The following CNTN5 variants were observed in gnomAD, a reference collection of about 807,000 sequenced individuals.
CNTN5 encodes the protein contactin-5.
In CNTN5, 77 loss-of-function variants were observed where a neutral mutation model predicts 129.1. The observed-to-expected ratio is 0.60, with a 90% CI of 0.50 to 0.72. The LOEUF (loss-of-function observed/expected upper bound fraction) is 0.72, where lower values mean the gene tolerates loss of function less well. Ranked by LOEUF, CNTN5 falls within the 30% of genes least tolerant of loss-of-function variation. The pLI, the probability that CNTN5 is intolerant of heterozygous loss-of-function variation, is 0.00. For missense variants in CNTN5, 1,478 were observed against 1,328.8 expected (o/e 1.11, Z -1.75); for synonymous variants, 509 against 465.6 (o/e 1.09, Z -1.20).
chr11:99,170,154 A>G (rs1388870264), intron 1 of CNTN5, among the ~76,000 whole-genome samples: 4 of 152,166 alleles, frequency 2.6e-5, no homozygotes, highest in Admixed American at 2.6e-4. Flanking sequence ...TTGTGTATAT[A>G]TGGCTTACGT....
At chr11:99,255,186 T>C (rs1267080412) in intron 1 of CNTN5, among the ~76,000 whole-genome samples, 1 of 151,944 alleles carries the variant, frequency 6.6e-6, no homozygotes, top group African/African-American at 2.4e-5. Context: ...TGGTGAAAAC[T>C]GCAGTTAATA....
intron 2 of CNTN5, among the ~76,000 whole-genome samples, chr11:99,406,768 A>T (rs1376646038): frequency 2.0e-5 from 3 of 152,140 alleles, no homozygotes; most frequent in Non-Finnish European, 4.4e-5. Flanking sequence ...AGATCATAAG[A>T]CACAGCTTTT....
chr11:99,522,476 G>A (rs961928208), intron 2 of CNTN5, among the ~76,000 whole-genome samples: 11 of 151,572 alleles, frequency 7.3e-5, no homozygotes, highest in Admixed American at 3.3e-4. Flanking sequence ...AACAAGTAAC[G>A]GTATTCTAGG....
Position 99,679,293 on chromosome 11 carries a change from G to A in CNTN5, c.55+123024G>A, listed in dbSNP as rs142694317. Among the ~76,000 whole-genome samples the A allele has an allele frequency of 2.5e-3, 374 of 150,880 alleles. 2 individuals are homozygous for A. The highest frequency in any genetic ancestry group is 8.1e-3 in the African/African-American group (334 of 41,164). Reference sequence around the variant, plus strand: ...AACTAGAGACAAGCCTCATTTTATCGCACTCTGCTTTATTATACTGTGGAG... The same window carrying A: ...AACTAGAGACAAGCCTCATTTTATCACACTCTGCTTTATTATACTGTGGAG... On this transcript the variant is annotated intron_variant, in intron 3 of 24. Transcript: ENST00000524871.
At chr11:99,936,801 T>C (rs146213606) in intron 7 of CNTN5, among the ~76,000 whole-genome samples, 20 of 152,282 alleles carry the variant, frequency 1.3e-4, no homozygotes, top group African/African-American at 4.6e-4. Context: ...TTGTGTTAAA[T>C]GTAGGGTTCT....
chr11:99,079,928 A>G (rs1865723400), intron 1 of CNTN5, among the ~76,000 whole-genome samples: 1 of 152,124 alleles, frequency 6.6e-6, no homozygotes, highest in Non-Finnish European at 1.5e-5. Context: ...GAATAAAGAG[A>G]TTGCCTTTAT....
intron 3 of CNTN5, among the ~76,000 whole-genome samples, chr11:99,718,498 T>C (rs1053983225): frequency 2.0e-5 from 3 of 152,112 alleles, no homozygotes; most frequent in African/African-American, 7.2e-5. Context: ...TAAAACATGT[T>C]TGAAACTTGA....
At chr11:99,100,663 G>A (rs1004742533) in intron 1 of CNTN5, among the ~76,000 whole-genome samples, 1 of 151,888 alleles carries the variant, frequency 6.6e-6, no homozygotes, top group Non-Finnish European at 1.5e-5. Context: ...AGATGAGCAG[G>A]AAATATAAAA....
intron 13 of CNTN5, among the ~76,000 whole-genome samples, chr11:100,167,684 A>C (rs563845773): frequency 6.6e-6 from 1 of 152,046 alleles, no homozygotes; most frequent in Non-Finnish European, 1.5e-5. Flanking sequence ...TGAGGTAGTC[A>C]AGGAGAACTT....
chr11:99,276,695 C>G (rs1863451310), intron 1 of CNTN5, among the ~76,000 whole-genome samples: 1 of 151,144 alleles, frequency 6.6e-6, no homozygotes, highest in East Asian at 1.9e-4. Flanking sequence ...AAAAAAGTAC[C>G]TTCTGAAAAT....
chr11:99,741,438 G>A (rs989640050), intron 3 of CNTN5, among the ~76,000 whole-genome samples: 14 of 152,076 alleles, frequency 9.2e-5, no homozygotes, highest in African/African-American at 3.4e-4. Flanking sequence ...GGCTGCTTAA[G>A]GATGCTTTGA....
chr11:99,932,207 T>C (rs1389481616), intron 7 of CNTN5, among the ~76,000 whole-genome samples: 3 of 152,224 alleles, frequency 2.0e-5, no homozygotes, highest in Non-Finnish European at 2.9e-5. Flanking sequence ...TTTTATTTTT[T>C]TGAGACGGAG....
intron 3 of CNTN5, among the ~76,000 whole-genome samples, chr11:99,620,187 A>G (rs571463534): frequency 9.2e-5 from 14 of 152,270 alleles, no homozygotes; most frequent in African/African-American, 3.4e-4. Flanking sequence ...ATTTGGCTGC[A>G]GAAGCTTGCC....
intron 2 of CNTN5, among the ~76,000 whole-genome samples, chr11:99,506,166 C>T (rs921864755): frequency 3.2e-4 from 48 of 152,274 alleles, no homozygotes; most frequent in African/African-American, 1.0e-3. Flanking sequence ...CTGAATGGTA[C>T]GGCTTGTCCT....
chr11:99,825,395 T>G (rs893276330), intron 4 of CNTN5, among the ~76,000 whole-genome samples: 1 of 152,064 alleles, frequency 6.6e-6, no homozygotes, highest in Non-Finnish European at 1.5e-5. Context: ...TTGATAATTT[T>G]GTTGTTTCAA....
At chr11:99,811,273 G>A (rs1287475411) in intron 3 of CNTN5, among the ~76,000 whole-genome samples, 1 of 151,642 alleles carries the variant, frequency 6.6e-6, no homozygotes, top group African/African-American at 2.4e-5. Context: ...ATTTAGGGAC[G>A]GAAATAGAAT....
chr11:99,453,259 A>G (rs566936031), intron 2 of CNTN5, among the ~76,000 whole-genome samples: 1 of 152,318 alleles, frequency 6.6e-6, no homozygotes, highest in South Asian at 2.1e-4. Flanking sequence ...TATGCTGTAC[A>G]TACTCAATTT....
At chr11:99,989,955 C>T (rs1304976057) in intron 8 of CNTN5, among the ~76,000 whole-genome samples, 5 of 152,018 alleles carry the variant, frequency 3.3e-5, no homozygotes, top group Admixed American at 1.3e-4. Flanking sequence ...TTAGTAGAGA[C>T]GGGGTTTCAC....
At chr11:99,523,524 G>A (rs1054184541) in intron 2 of CNTN5, among the ~76,000 whole-genome samples, 2 of 151,960 alleles carry the variant, frequency 1.3e-5, no homozygotes, top group African/African-American at 2.4e-5. Context: ...GAGCCCTGGC[G>A]ATGGAGGTAG....
Sources: allele counts gnomAD v4.1 joint callset (sites outside exome capture counted in the v4.1 genomes callset), GRCh38; gene constraint gnomAD v4.1.1; transcripts MANE v1.5; gene names NCBI Gene and HGNC (gene_info 2026-07-23, HGNC 2026-07-21).